L3MBTL3: variants seen among roughly 807,000 people sequenced by gnomAD.
L3MBTL3 encodes the protein lethal(3)malignant brain tumor-like protein 3.
L3MBTL3 carries 27 observed loss-of-function variants against 102.3 expected under a neutral mutation model. The observed-to-expected ratio is 0.26, with a 90% CI of 0.19 to 0.36. The LOEUF is 0.36. Among genes scored for constraint, L3MBTL3 ranks in the 10% least tolerant of loss-of-function variants. The pLI is 1.00. For synonymous variants in L3MBTL3, 340 were observed against 320.9 expected (o/e 1.06, Z -0.64); for missense variants, 798 against 955.3 (o/e 0.84, Z 2.17).
chr6:130,097,900 T>G lies in L3MBTL3; in HGVS notation c.1736+3533T>G, dbSNP rs534109295. On this transcript the variant is annotated intron_variant, in intron 18 of 22. Coordinates refer to ENST00000361794, the MANE Select transcript of L3MBTL3 (RefSeq NM_032438.4). ...CTGACCAACGTGAAGAAACCCCATC[T>G]CTACCAAAAATACAAAATTAGCCGG... is the stretch of plus-strand genomic sequence containing the variant. 7.2e-5 allele frequency among the ~76,000 whole-genome samples: 11 copies of G among 152,180 alleles called. No individual in the cohort carries two copies. In the East Asian group the frequency reaches 2.1e-3, roughly 29 times the overall value.
intron 3 of L3MBTL3, among the ~76,000 whole-genome samples, chr6:130,046,352 C>T (rs1780724256): frequency 6.6e-6 from 1 of 152,190 alleles, no homozygotes; most frequent in South Asian, 2.1e-4. Context: ...TATCAAACAT[C>T]TTTGCCCTTA....
intron 20 of L3MBTL3, among the ~76,000 whole-genome samples, chr6:130,126,698 C>T (rs1786631417): frequency 6.6e-6 from 1 of 152,120 alleles, no homozygotes; most frequent in Admixed American, 6.5e-5. Context: ...CAGATTTCTA[C>T]TTTGGATAAT....
chr6:130,071,170 A>C, intron 13 of L3MBTL3, 43 bp downstream of exon 13: 1 of 1,550,212 alleles, frequency 6.5e-7, no homozygotes, highest in South Asian at 1.2e-5. Flanking sequence ...TTTAATATTT[A>C]TCCAAGTAAA....
At chr6:130,031,703 G>A (rs1271905403) in intron 2 of L3MBTL3, among the ~76,000 whole-genome samples, 1 of 152,056 alleles carries the variant, frequency 6.6e-6, no homozygotes, top group African/African-American at 2.4e-5. Flanking sequence ...CTGGAAAGAG[G>A]GCCTGAGCTT....
chr6:130,023,108 C>G (rs949280621), intron 2 of L3MBTL3, among the ~76,000 whole-genome samples: 1 of 151,836 alleles, frequency 6.6e-6, no homozygotes, highest in Non-Finnish European at 1.5e-5. Context: ...GCCTGTTTTC[C>G]TGCCCTCTCT....
At chr6:130,024,141 A>T (rs966246791) in intron 2 of L3MBTL3, among the ~76,000 whole-genome samples, 1 of 152,096 alleles carries the variant, frequency 6.6e-6, no homozygotes, top group Non-Finnish European at 1.5e-5. Flanking sequence ...GGAGATGAGG[A>T]TGAGAAAATA....
At chr6:130,065,865 G>A (rs988303459) in intron 10 of L3MBTL3, among the ~76,000 whole-genome samples, 4 of 152,186 alleles carry the variant, frequency 2.6e-5, no homozygotes, top group Non-Finnish European at 4.4e-5. Flanking sequence ...AACTAGGAGA[G>A]ACGCTTTTCT....
intron 3 of L3MBTL3, among the ~76,000 whole-genome samples, chr6:130,048,063 T>A (rs1780835805): frequency 6.6e-6 from 1 of 152,190 alleles, no homozygotes; most frequent in East Asian, 1.9e-4. Context: ...CATAGAACAT[T>A]GTTTAAGGTG....
intron 22 of L3MBTL3, chr6:130,137,844 T>G (rs1787870846): frequency 6.6e-6 from 1 of 152,264 alleles, no homozygotes; most frequent in African/African-American, 2.4e-5. Context: ...TGTTAATAGA[T>G]CTGCCTTTCT....
rs1315921278 is a variant in L3MBTL3 at position 130,121,092 on chromosome 6, G to C, written c.1966+134G>C. The C allele has an allele frequency of 3.2e-5, 20 of 620,910 alleles. No individual in the cohort carries two copies. The South Asian group carries it at 3.9e-4, about 12-fold the overall frequency. The allele number at this position is 620,910 out of a possible 1,614,324, so 38.5% of individuals were successfully genotyped here. The stretch of plus-strand genomic sequence containing the variant: ...TTTTTATTTTTATTGTTTTATTTTA[G>C]GTTCAGGGATACATGTGAAGGTTTG... On this transcript the variant is annotated intron_variant, in intron 20 of 22. Coordinates refer to ENST00000361794, the MANE Select transcript of L3MBTL3 (RefSeq NM_032438.4).
At chr6:130,058,250 A>G (rs1232094604) in intron 9 of L3MBTL3, among the ~76,000 whole-genome samples, 1 of 152,092 alleles carries the variant, frequency 6.6e-6, no homozygotes, top group Admixed American at 6.5e-5. Flanking sequence ...TAGCTATAAT[A>G]AAAGTGTTTT....
At chr6:130,026,709 T>C (rs1381996255) in intron 2 of L3MBTL3, among the ~76,000 whole-genome samples, 4 of 152,260 alleles carry the variant, frequency 2.6e-5, no homozygotes, top group Middle Eastern at 6.8e-3. Flanking sequence ...TTACTCAGAA[T>C]AGGCTTGGGA....
At chr6:130,031,847 TTATAG>T (rs1380919602) in intron 2 of L3MBTL3, among the ~76,000 whole-genome samples, 3 of 151,998 alleles carry the variant, frequency 2.0e-5, no homozygotes, top group African/African-American at 7.2e-5. Context: ...AATATTACTA[TTATAG>T]TAATAGTAAT....
At chr6:130,053,423 C>T (rs1259723879) in intron 7 of L3MBTL3, among the ~76,000 whole-genome samples, 4 of 152,168 alleles carry the variant, frequency 2.6e-5, no homozygotes, top group Middle Eastern at 3.4e-3. Context: ...ATCACGAGGT[C>T]GGGAGATCGA....
At chr6:130,119,477 A>G (rs1183945105) in intron 19 of L3MBTL3, among the ~76,000 whole-genome samples, 1 of 152,140 alleles carries the variant, frequency 6.6e-6, no homozygotes, top group Non-Finnish European at 1.5e-5. Context: ...TACATAGAAA[A>G]CACAATTTTT....
intron 1 of L3MBTL3, among the ~76,000 whole-genome samples, chr6:130,020,310 C>G (rs1778898171): frequency 7.0e-6 from 1 of 142,598 alleles, no homozygotes; most frequent in Non-Finnish European, 1.5e-5. Context: ...GCGCGCCCCG[C>G]GAGCTGGTGG....
intron 12 of L3MBTL3, 65 bp downstream of exon 12, chr6:130,068,486 A>G (rs1027430007): frequency 2.5e-6 from 2 of 789,470 alleles, no homozygotes; most frequent in African/African-American, 1.7e-5. Context: ...CATAGGATCA[A>G]TTACAAGTGA....
chr6:130,035,855 G>A (rs909702007), intron 2 of L3MBTL3, among the ~76,000 whole-genome samples: 1 of 152,176 alleles, frequency 6.6e-6, no homozygotes, highest in Non-Finnish European at 1.5e-5. Flanking sequence ...CCACCAGGGT[G>A]TACTTTCAGG....
chr6:130,128,635 G>A (rs1484450654), intron 20 of L3MBTL3, among the ~76,000 whole-genome samples: 4 of 152,132 alleles, frequency 2.6e-5, no homozygotes, highest in Non-Finnish European at 5.9e-5. Flanking sequence ...AGTTACATAC[G>A]TACCAGAGAC....
Sources: gnomAD v4.1 joint callset for allele counts (sites outside exome capture counted in the v4.1 genomes callset) on GRCh38, gnomAD v4.1.1 for gene constraint, MANE v1.5 for transcripts, NCBI Gene and HGNC (gene_info 2026-07-23, HGNC 2026-07-21) for gene names.